The following PSD3 variants were observed in gnomAD, a reference collection of about 807,000 sequenced individuals.
The protein encoded by PSD3 is PH and SEC7 domain-containing protein 3.
A neutral mutation model predicts 105.5 loss-of-function variants in PSD3; 49 were observed. The observed-to-expected ratio is 0.46, with a 90% CI of 0.37 to 0.59. The LOEUF is 0.59. PSD3 is among the 20% of genes least tolerant of loss of function. The pLI, the probability that PSD3 is intolerant of heterozygous loss-of-function variation, is 0.00. For synonymous variants in PSD3, 557 were observed against 457.8 expected (o/e 1.22, Z -2.77); for missense variants, 1,561 against 1,263.8 (o/e 1.24, Z -3.57).
chr8:18,623,645 G>GAAA (rs34586066), intron 11 of PSD3, among the ~76,000 whole-genome samples: 3,634 of 101,308 alleles, frequency 0.036, 79 homozygotes, highest in East Asian at 0.12. Flanking sequence ...CTCCATCTCA[G>GAAA]AAAAAAAAAA....
chr8:18,655,221 C>G (rs57161598), intron 10 of PSD3, among the ~76,000 whole-genome samples: 1 of 149,674 alleles, frequency 6.7e-6, no homozygotes, highest in Non-Finnish European at 1.5e-5. Context: ...CCCAGCTACT[C>G]GGGAGGCTGA....
intron 11 of PSD3, among the ~76,000 whole-genome samples, chr8:18,632,067 T>G (rs890870644): frequency 6.6e-6 from 1 of 151,986 alleles, no homozygotes; most frequent in African/African-American, 2.4e-5. Flanking sequence ...GCCATCCAAT[T>G]AGGCTCCTTC....
intron 9 of PSD3, among the ~76,000 whole-genome samples, chr8:18,747,669 C>A (rs180722877): frequency 6.6e-6 from 1 of 152,266 alleles, no homozygotes; most frequent in Admixed American, 6.5e-5. Context: ...AAGAATGAGA[C>A]TGCCACATGG....
chr8:18,966,175 A>C (rs1255328060), intron 1 of PSD3, among the ~76,000 whole-genome samples: 1 of 152,168 alleles, frequency 6.6e-6, no homozygotes, highest in East Asian at 1.9e-4. Context: ...GCTCACTAAG[A>C]TGGATTTCTT....
intron 4 of PSD3, among the ~76,000 whole-genome samples, chr8:18,814,891 G>A (rs1281883087): frequency 6.6e-6 from 1 of 152,176 alleles, no homozygotes; most frequent in African/African-American, 2.4e-5. Flanking sequence ...GACATCAGAA[G>A]CTGGGCAGCA....
chr8:18,912,481 A>T (rs940217795), intron 2 of PSD3, among the ~76,000 whole-genome samples: 2 of 152,218 alleles, frequency 1.3e-5, no homozygotes, highest in African/African-American at 4.8e-5. Flanking sequence ...AGAAGGAAAA[A>T]AATATATATA....
At chr8:18,561,094 G>C (rs1232450792) in intron 14 of PSD3, among the ~76,000 whole-genome samples, 1 of 152,176 alleles carries the variant, frequency 6.6e-6, no homozygotes, top group African/African-American at 2.4e-5. Context: ...TGAGTATGTA[G>C]CCAAAGAAAT....
At chr8:18,827,759 A>G (rs1208266392) in intron 4 of PSD3, among the ~76,000 whole-genome samples, 2 of 151,892 alleles carry the variant, frequency 1.3e-5, no homozygotes, top group African/African-American at 4.8e-5. Context: ...TGAGTAAAAA[A>G]GTAAAACCGG....
chr8:18,738,637 A>T (rs904039582), intron 9 of PSD3, among the ~76,000 whole-genome samples: 12 of 152,182 alleles, frequency 7.9e-5, no homozygotes, highest in African/African-American at 2.9e-4. Context: ...TAACACAAGT[A>T]GGCTGAAAAT....
At chr8:19,025,926 T>C (rs761274652) in intron 1 of PSD3, among the ~76,000 whole-genome samples, 3 of 152,168 alleles carry the variant, frequency 2.0e-5, no homozygotes, top group Non-Finnish European at 4.4e-5. Context: ...CTGGGTAATT[T>C]ATAAAGGAAA....
chr8:18,574,967 T>TA (rs1656270403), intron 13 of PSD3, among the ~76,000 whole-genome samples, 161 bp downstream of exon 13: 1 of 152,200 alleles, frequency 6.6e-6, no homozygotes, highest in African/African-American at 2.4e-5. Context: ...TATTTTTTTT[T>TA]ACTCTAATCT....
chr8:18,883,384 C>G (rs1818245693), intron 2 of PSD3, among the ~76,000 whole-genome samples: 1 of 152,146 alleles, frequency 6.6e-6, no homozygotes, highest in South Asian at 2.1e-4. Flanking sequence ...GGTTTACCCT[C>G]AAATTACCAA....
At chr8:18,727,266 G>A (rs1179379608) in intron 9 of PSD3, among the ~76,000 whole-genome samples, 1 of 149,742 alleles carries the variant, frequency 6.7e-6, no homozygotes, top group Non-Finnish European at 1.5e-5. Flanking sequence ...GAACCTGGGA[G>A]GCGGAGGTTG....
chr8:18,621,722 C>G (rs1247132830), intron 11 of PSD3, among the ~76,000 whole-genome samples: 1 of 152,124 alleles, frequency 6.6e-6, no homozygotes, highest in East Asian at 1.9e-4. Flanking sequence ...TGCCAGAGAA[C>G]AGCCAAGTGC....
intron 14 of PSD3, among the ~76,000 whole-genome samples, chr8:18,566,095 G>A (rs775108698): frequency 3.7e-4 from 57 of 152,114 alleles, no homozygotes; most frequent in Non-Finnish European, 6.8e-4. Flanking sequence ...TATGACCCCA[G>A]TATAGATATC....
chr8:19,005,036 G>A (rs1384606520), intron 1 of PSD3, among the ~76,000 whole-genome samples: 13 of 151,960 alleles, frequency 8.6e-5, no homozygotes, highest in Admixed American at 8.5e-4. Context: ...GGACGAATAC[G>A]AGCCAATAAG....
rs544820809 is a variant in PSD3 at position 18,739,744 on chromosome 8, T to C, written c.2172+25705A>G. On this transcript the variant is annotated intron_variant, in intron 9 of 15. Transcript: ENST00000327040. ...AATATTATGATTTGAAAATTCAGTGTGAAATAATCAAATCAAACAAATTAA... is the reference window on the plus strand; with the variant it reads ...AATATTATGATTTGAAAATTCAGTGCGAAATAATCAAATCAAACAAATTAA... Among the ~76,000 whole-genome samples the C allele has an allele frequency of 3.4e-4, 52 of 152,318 alleles. No individual in the cohort carries two copies. The East Asian group carries it at 5.4e-3, about 16-fold the overall frequency.
chr8:18,661,988 G>C (rs962213431), intron 9 of PSD3, among the ~76,000 whole-genome samples: 4 of 148,748 alleles, frequency 2.7e-5, no homozygotes, highest in Non-Finnish European at 5.9e-5. Flanking sequence ...GAACATGCTT[G>C]AATTTTTTTT....
rs183973135 is a variant in PSD3 at position 18,933,439 on chromosome 8, T to C, written c.130+2595A>G. On this transcript the variant is annotated intron_variant, in intron 2 of 15. Transcript: ENST00000327040. Reference sequence around the variant, plus strand: ...AATCACAGTGTCACATTCAAAGTTATGTCTATGCCAAGGAGTTTTATTTTT... The same window carrying C: ...AATCACAGTGTCACATTCAAAGTTACGTCTATGCCAAGGAGTTTTATTTTT... Among the ~76,000 whole-genome samples, 252 of 152,248 alleles carry C rather than the reference T, an allele frequency of 1.7e-3. 1 individual carries two copies. Among genetic ancestry groups the C allele is most frequent in the African/African-American group, 5.8e-3 (242 of 41,546 alleles).
Sources: gnomAD v4.1 joint callset for allele counts (sites outside exome capture counted in the v4.1 genomes callset) on GRCh38, gnomAD v4.1.1 for gene constraint, MANE v1.5 for transcripts, NCBI Gene and HGNC (gene_info 2026-07-23, HGNC 2026-07-21) for gene names.